CFAP45: variants seen among roughly 807,000 people sequenced by gnomAD.
CFAP45 encodes the protein cilia- and flagella-associated protein 45.
In CFAP45, 43 loss-of-function variants were observed where a neutral mutation model predicts 75.6. The observed-to-expected ratio is 0.57, with a 90% confidence interval of 0.45 to 0.73. The LOEUF (loss-of-function observed/expected upper bound fraction) is 0.73, where lower values mean the gene tolerates loss of function less well. CFAP45 is among the 30% of genes least tolerant of loss of function. The pLI is 0.00. For synonymous variants in CFAP45, 223 were observed against 244.6 expected (o/e 0.91, Z 0.82); for missense variants, 689 against 701.5 (o/e 0.98, Z 0.20).
chr1:159,880,499 T>A, intron 8 of CFAP45, 55 bp downstream of exon 8: 1 of 1,536,548 alleles, frequency 6.5e-7, no homozygotes, highest in Non-Finnish European at 8.8e-7. Context: ...GGCCCTCCTC[T>A]CCCTGTGACA....
At chr1:159,895,108 A>T (rs1282652772) in intron 1 of CFAP45, among the ~76,000 whole-genome samples, 2 of 152,232 alleles carry the variant, frequency 1.3e-5, no homozygotes, top group African/African-American at 2.4e-5. Context: ...TGTAACTAAG[A>T]ATCTGACGAA....
intron 8 of CFAP45, 45 bp downstream of exon 8, chr1:159,880,509 A>G: frequency 6.3e-7 from 1 of 1,579,928 alleles, no homozygotes; most frequent in Non-Finnish European, 8.6e-7. Flanking sequence ...TCCCTGTGAC[A>G]GACATTCCAT....
intron 10 of CFAP45, 93 bp from the exon 11 acceptor site, chr1:159,873,261 T>A: frequency 1.0e-6 from 1 of 981,582 alleles, no homozygotes; most frequent in Non-Finnish European, 1.5e-6. Flanking sequence ...GCTCCTTCAG[T>A]AGACATGCCT....
At chr1:159,883,288 C>CTGAATGAATGAA (rs145427366) in intron 7 of CFAP45, among the ~76,000 whole-genome samples, 1,601 of 151,160 alleles carry the variant, frequency 0.011, 27 homozygotes, top group African/African-American at 0.037. Flanking sequence ...GAATGAAGAA[C>CTGAATGAATGAA]TGAATGAATG....
chr1:159,881,015 C>T (rs1380752313), intron 7 of CFAP45, among the ~76,000 whole-genome samples: 2 of 152,238 alleles, frequency 1.3e-5, no homozygotes, highest in African/African-American at 2.4e-5. Context: ...AATCCTACCC[C>T]TGTGGCTTTG....
chr1:159,899,502 G>C lies in CFAP45; in HGVS notation c.3+594C>G, dbSNP rs989083934. On this transcript the variant is annotated intron_variant, in intron 1 of 11. Transcript: ENST00000368099. ...TTTTTTTTTGAGACGGAGTCTCGCTGTGTCGCCCAGGCTGGAGTGCAGTGG... is the reference window on the plus strand; with the variant it reads ...TTTTTTTTTGAGACGGAGTCTCGCTCTGTCGCCCAGGCTGGAGTGCAGTGG... 1.6e-4 allele frequency among the ~76,000 whole-genome samples: 20 copies of C among 125,122 alleles called. No homozygotes were observed. The Admixed American group carries it at 1.7e-3, about 11-fold the overall frequency. 82.1% of individuals were successfully genotyped at this position (125,122 alleles called of 152,430 possible).
At chr1:159,875,791 G>A (rs1236440853) in intron 10 of CFAP45, among the ~76,000 whole-genome samples, 1 of 152,228 alleles carries the variant, frequency 6.6e-6, no homozygotes, top group African/African-American at 2.4e-5. Flanking sequence ...GGTCTGACTG[G>A]TGGAAAACAG....
chr1:159,888,327 G>A, intron 4 of CFAP45, 25 bp downstream of exon 4: 1 of 1,612,218 alleles, frequency 6.2e-7, no homozygotes, highest in Non-Finnish European at 8.5e-7. Context: ...ATCTGCAGAG[G>A]TGAAGGCTTA....
chr1:159,894,177 T>C (rs1202473838), intron 1 of CFAP45, among the ~76,000 whole-genome samples: 1 of 152,220 alleles, frequency 6.6e-6, no homozygotes, highest in Admixed American at 6.5e-5. Context: ...CTGTAGTCCC[T>C]GAAGCTGAAG....
intron 7 of CFAP45, among the ~76,000 whole-genome samples, chr1:159,881,034 G>A (rs914156385): frequency 6.6e-6 from 1 of 152,144 alleles, no homozygotes; most frequent in Non-Finnish European, 1.5e-5. Context: ...TGCTCATGGT[G>A]CTTCTCCTGC....
chr1:159,888,689 TA>T (rs1012252483), intron 3 of CFAP45, among the ~76,000 whole-genome samples, 193 bp from the exon 4 acceptor site: 4 of 152,226 alleles, frequency 2.6e-5, no homozygotes, highest in Non-Finnish European at 4.4e-5. Context: ...CATTGAAGGC[TA>T]AAAAGAGACA....
intron 6 of CFAP45, 140 bp from the exon 7 acceptor site, chr1:159,884,705 C>A: frequency 1.2e-6 from 1 of 864,728 alleles, no homozygotes; most frequent in Non-Finnish European, 1.8e-6. Context: ...GAATATGCTT[C>A]ATGAGCCCAG....
rs1357025513 is a variant in CFAP45, at chr1:159,884,569, G to A, written c.768-4C>T. ...TTCCACAATTTGCCGCCTTCCTCTT[G>A]GAGAGAACAGTGCCACAGTGTCTTA... On this transcript the variant is annotated splice_region_variant and splice_polypyrimidine_tract_variant and intron_variant, in intron 6 of 11. Transcript: ENST00000368099. 1.2e-6 allele frequency: 2 copies of A among 1,612,902 alleles called. No homozygotes were observed. Among genetic ancestry groups the A allele is most frequent in the East Asian group, 2.2e-5 (1 of 44,856 alleles).
At position 159,872,933 on chromosome 1, in the gene CFAP45, T is replaced by C; in HGVS notation, c.1577+11A>G. ...GAAGAGGATTTGGGAAAGGAGGAGA[T>C]TCCAGCGCACCTCAGCTCTTCAAGC... On this transcript the variant is annotated intron_variant, in intron 11 of 11. Coordinates refer to ENST00000368099, the MANE Select transcript of CFAP45 (RefSeq NM_012337.3). 1.2e-6 allele frequency: 2 copies of C among 1,612,142 alleles called. No homozygotes were observed. Among genetic ancestry groups the C allele is most frequent in the South Asian group, 1.1e-5 (1 of 91,038 alleles).
At chr1:159,892,482 C>T (rs1264258503) in intron 2 of CFAP45, among the ~76,000 whole-genome samples, 3 of 152,132 alleles carry the variant, frequency 2.0e-5, no homozygotes, top group Non-Finnish European at 4.4e-5. Flanking sequence ...CCCACCTTCC[C>T]CACTGGCAGA....
intron 2 of CFAP45, among the ~76,000 whole-genome samples, chr1:159,892,015 G>C (rs1649839897): frequency 6.6e-6 from 1 of 152,146 alleles, no homozygotes; most frequent in South Asian, 2.1e-4. Flanking sequence ...GGCCAGGTGG[G>C]GAGACTTACG....
intron 1 of CFAP45, among the ~76,000 whole-genome samples, chr1:159,898,902 T>G (rs1277216785): frequency 6.6e-6 from 1 of 152,176 alleles, no homozygotes; most frequent in Non-Finnish European, 1.5e-5. Context: ...GAACTGCTCT[T>G]TGTTGGAGAC....
intron 10 of CFAP45, 135 bp downstream of exon 10, chr1:159,876,421 G>T: frequency 1.5e-6 from 1 of 670,598 alleles, no homozygotes; most frequent in East Asian, 2.7e-5. Flanking sequence ...CATCCATCTA[G>T]TTATAATGAT....
At position 159,898,516 on chromosome 1, in the gene CFAP45, G is replaced by A. The variant is rs145546796; in HGVS notation, c.3+1580C>T. 6.7e-3 allele frequency among the ~76,000 whole-genome samples: 1,022 copies of A among 152,272 alleles called. 17 individuals are homozygous for A. The highest frequency in any genetic ancestry group is 0.023 in the African/African-American group (976 of 41,536). ...AACTTAGACCCACTGCTTCTCAAAG[G>A]TGTCTATATGCCCAGTCCTGTCCCA... On this transcript the variant is annotated intron_variant, in intron 1 of 11. Coordinates refer to ENST00000368099, the MANE Select transcript of CFAP45 (RefSeq NM_012337.3).
Sources: gnomAD v4.1 joint callset for allele counts (sites outside exome capture counted in the v4.1 genomes callset) on GRCh38, gnomAD v4.1.1 for gene constraint, MANE v1.5 for transcripts, NCBI Gene and HGNC (gene_info 2026-07-23, HGNC 2026-07-21) for gene names.